The following KIAA1549L variants were observed in gnomAD, a reference collection of about 807,000 sequenced individuals.
KIAA1549L encodes KIAA1549 like, also known as UPF0606 protein KIAA1549L.
A neutral mutation model predicts 160.7 loss-of-function variants in KIAA1549L; 88 were observed. The ratio of observed to expected loss-of-function variants is 0.55; its 90% CI spans 0.46 to 0.65. The LOEUF (loss-of-function observed/expected upper bound fraction) is 0.65, where lower values mean the gene tolerates loss of function less well. KIAA1549L is among the 30% of genes least tolerant of loss of function. The pLI, the probability that KIAA1549L is intolerant of heterozygous loss-of-function variation, is 0.00. For synonymous variants in KIAA1549L, 950 were observed against 976.7 expected, an observed-to-expected ratio of 0.97 and a Z score of 0.51; for missense variants, 2,258 against 2,437.5, an observed-to-expected ratio of 0.93 and a Z score of 1.55.
intron 1 of KIAA1549L, among the ~76,000 whole-genome samples, chr11:33,532,383 A>G (rs1034095524): frequency 1.3e-5 from 2 of 152,142 alleles, no homozygotes; most frequent in African/African-American, 4.8e-5. Flanking sequence ...GGACTGAACA[A>G]ATAATGATAA....
intron 1 of KIAA1549L, among the ~76,000 whole-genome samples, chr11:33,449,729 T>C (rs1851682411): frequency 6.6e-6 from 1 of 152,182 alleles, no homozygotes; most frequent in African/African-American, 2.4e-5. Context: ...CATCAGATGC[T>C]TTGTGGGACG....
intron 13 of KIAA1549L, among the ~76,000 whole-genome samples, chr11:33,601,603 G>A (rs1298463023): frequency 6.6e-6 from 1 of 152,176 alleles, no homozygotes; most frequent in African/African-American, 2.4e-5. Flanking sequence ...CCATTATTCT[G>A]TTGATATGGA....
chr11:33,603,841 G>T lies in KIAA1549L; in HGVS notation c.4880-2800G>T, dbSNP rs1043729563. ...AGAAAGAAAAAAGAAGGCCACTGTG[G>T]CTGGAGCAGAGCAGATGAGGGGAGA... On this transcript the variant is annotated intron_variant, in intron 13 of 20. Transcript: ENST00000658780. 2.0e-5 allele frequency among the ~76,000 whole-genome samples: 3 copies of T among 152,096 alleles called. No homozygotes were observed. The East Asian group carries it at 5.8e-4, about 29-fold the overall frequency.
At chr11:33,541,132 A>G (rs1205407127) in intron 1 of KIAA1549L, among the ~76,000 whole-genome samples, 7 of 152,162 alleles carry the variant, frequency 4.6e-5, no homozygotes, top group African/African-American at 1.4e-4. Context: ...CTGTGGGGCC[A>G]CACATGAGTG....
chr11:33,439,231 G>T (rs1402702384), intron 1 of KIAA1549L, among the ~76,000 whole-genome samples: 1 of 152,000 alleles, frequency 6.6e-6, no homozygotes, highest in East Asian at 1.9e-4. Context: ...ATTTTTAATT[G>T]TGAAATGACC....
At chr11:33,499,570 C>T (rs1021393857) in intron 1 of KIAA1549L, among the ~76,000 whole-genome samples, 6 of 152,196 alleles carry the variant, frequency 3.9e-5, no homozygotes, top group African/African-American at 1.4e-4. Flanking sequence ...TGCAGAGGCT[C>T]ACTGTTCCCT....
chr11:33,395,382 C>T (rs1850352779), intron 1 of KIAA1549L, among the ~76,000 whole-genome samples: 1 of 152,234 alleles, frequency 6.6e-6, no homozygotes, highest in Admixed American at 6.5e-5. Flanking sequence ...AAGATTTGAA[C>T]AGCCATAAGG....
intron 11 of KIAA1549L, among the ~76,000 whole-genome samples, chr11:33,589,163 C>A (rs914173471): frequency 2.2e-4 from 34 of 152,270 alleles, no homozygotes; most frequent in African/African-American, 7.5e-4. Flanking sequence ...TGAAAAAATG[C>A]TCATCATCAC....
intron 1 of KIAA1549L, among the ~76,000 whole-genome samples, chr11:33,435,961 T>TAAA (rs35891099): frequency 3.7e-4 from 43 of 116,136 alleles, no homozygotes; most frequent in African/African-American, 1.3e-3. Flanking sequence ...CTAAAATATC[T>TAAA]AAAAAAAAAA....
At chr11:33,492,063 A>G (rs1852678273) in intron 1 of KIAA1549L, among the ~76,000 whole-genome samples, 1 of 152,088 alleles carries the variant, frequency 6.6e-6, no homozygotes, top group African/African-American at 2.4e-5. Context: ...GCCCAGGGAG[A>G]CACATACATG....
chr11:33,525,495 A>G (rs937703453), intron 1 of KIAA1549L, among the ~76,000 whole-genome samples: 1 of 151,786 alleles, frequency 6.6e-6, no homozygotes, highest in Admixed American at 6.6e-5. Flanking sequence ...CAGCCAGCAG[A>G]ATTAGAGAGG....
intron 11 of KIAA1549L, among the ~76,000 whole-genome samples, chr11:33,587,057 G>T: frequency 6.6e-6 from 1 of 152,138 alleles, no homozygotes; most frequent in East Asian, 1.9e-4. Context: ...TTTTCCATCT[G>T]TAAAATGGAG....
At chr11:33,559,393 A>C (rs1854761202) in intron 6 of KIAA1549L, among the ~76,000 whole-genome samples, 1 of 152,202 alleles carries the variant, frequency 6.6e-6, no homozygotes, top group African/African-American at 2.4e-5. Flanking sequence ...CCTGGAGTCA[A>C]ATCACCTGGG....
intron 1 of KIAA1549L, among the ~76,000 whole-genome samples, chr11:33,436,422 C>T (rs1363975529): frequency 6.6e-6 from 1 of 152,170 alleles, no homozygotes; most frequent in Non-Finnish European, 1.5e-5. Flanking sequence ...AGAAAGAAGT[C>T]TTTCTTAGCC....
intron 16 of KIAA1549L, among the ~76,000 whole-genome samples, chr11:33,638,694 A>G (rs898805088): frequency 6.6e-6 from 1 of 152,166 alleles, no homozygotes; most frequent in Non-Finnish European, 1.5e-5. Context: ...TAGGGTAGGT[A>G]TATGTTTAAG....
At chr11:33,579,965 C>T (rs1855579957) in intron 10 of KIAA1549L, among the ~76,000 whole-genome samples, 1 of 152,180 alleles carries the variant, frequency 6.6e-6, no homozygotes, top group Non-Finnish European at 1.5e-5. Context: ...TAGAGAGTCA[C>T]AGTGTTGAAT....
At chr11:33,580,571 CAA>C (rs368467299) in intron 10 of KIAA1549L, among the ~76,000 whole-genome samples, 3 of 52,540 alleles carry the variant, frequency 5.7e-5, no homozygotes, top group East Asian at 6.2e-4. Context: ...GATTCTGCCT[CAA>C]AAAAAAAAAA....
chr11:33,539,763 A>C (rs971714041), intron 1 of KIAA1549L, among the ~76,000 whole-genome samples: 1 of 152,198 alleles, frequency 6.6e-6, no homozygotes, highest in African/African-American at 2.4e-5. Flanking sequence ...TTACAAACTC[A>C]TTGGCTGGAA....
At chr11:33,574,292 G>T (rs1241151535) in intron 9 of KIAA1549L, among the ~76,000 whole-genome samples, 1 of 151,324 alleles carries the variant, frequency 6.6e-6, no homozygotes, top group Non-Finnish European at 1.5e-5. Flanking sequence ...CTTTTGAATT[G>T]CAGACATATA....
Sources: allele counts gnomAD v4.1 joint callset (sites outside exome capture counted in the v4.1 genomes callset), GRCh38; gene constraint gnomAD v4.1.1; transcripts MANE v1.5; gene names NCBI Gene and HGNC (gene_info 2026-07-23, HGNC 2026-07-21).